The following LDB2 variants were observed in gnomAD, a reference collection of about 807,000 sequenced individuals.
LDB2 encodes the protein LIM domain-binding protein 2.
In LDB2, 12 loss-of-function variants were observed where a neutral mutation model predicts 44.3. The observed-to-expected ratio is 0.27, with a 90% CI of 0.17 to 0.44. The LOEUF (loss-of-function observed/expected upper bound fraction) is 0.44. Among genes scored for constraint, LDB2 ranks in the 20% least tolerant of loss-of-function variants. The pLI is 1.00. For synonymous variants in LDB2, 164 were observed against 174.8 expected (o/e 0.94, Z 0.49); for missense variants, 344 against 473.5 (o/e 0.73, Z 2.54).
chr4:16,518,488 T>TTA (rs1724715337), intron 5 of LDB2, among the ~76,000 whole-genome samples: 1 of 152,018 alleles, frequency 6.6e-6, no homozygotes, highest in African/African-American at 2.4e-5. Flanking sequence ...TGTGTTGTTT[T>TTA]TTTTTTCGCT....
chr4:16,700,577 A>G (rs1363475259), intron 2 of LDB2, among the ~76,000 whole-genome samples: 1 of 152,112 alleles, frequency 6.6e-6, no homozygotes, highest in Non-Finnish European at 1.5e-5. Context: ...TTCATATTCA[A>G]TCACATTACA....
chr4:16,766,515 T>A (rs1467874335), intron 1 of LDB2, among the ~76,000 whole-genome samples: 6 of 150,022 alleles, frequency 4.0e-5, no homozygotes, highest in Non-Finnish European at 7.4e-5. Flanking sequence ...TATATATTTT[T>A]TTTTTTTTGA....
intron 1 of LDB2, among the ~76,000 whole-genome samples, chr4:16,767,166 A>C (rs1200595110): frequency 6.6e-6 from 1 of 152,186 alleles, no homozygotes; most frequent in Non-Finnish European, 1.5e-5. Context: ...TATATTTCCA[A>C]GTGGGTTCTA....
intron 1 of LDB2, among the ~76,000 whole-genome samples, chr4:16,870,176 G>T (rs1032340754): frequency 2.0e-5 from 3 of 152,160 alleles, no homozygotes; most frequent in African/African-American, 7.2e-5. Flanking sequence ...GTGTTTGGAA[G>T]ACTAACCATA....
Position 16,781,510 on chromosome 4 carries a change from G to A in LDB2, c.133-22250C>T, listed in dbSNP as rs138713740. ...TACCAGCCAGCCACTAACCTACTTT[G>A]CTCCTCTTCCCCAAGTAGATGGAGT... On this transcript the variant is annotated intron_variant, in intron 1 of 7. Coordinates refer to ENST00000304523, the MANE Select transcript of LDB2 (RefSeq NM_001290.5). Among the ~76,000 whole-genome samples the A allele has an allele frequency of 1.6e-3, 250 of 152,160 alleles. 3 individuals are homozygous for A. The highest frequency in any genetic ancestry group is 5.7e-3 in the African/African-American group (236 of 41,514).
chr4:16,783,107 AAG>A (rs1773656349), intron 1 of LDB2, among the ~76,000 whole-genome samples: 1 of 152,236 alleles, frequency 6.6e-6, no homozygotes, highest in South Asian at 2.1e-4. Flanking sequence ...AGCTAGTGCC[AAG>A]ACCCGAAGCA....
intron 1 of LDB2, among the ~76,000 whole-genome samples, chr4:16,825,401 G>A (rs1420026200): frequency 1.3e-5 from 2 of 152,180 alleles, no homozygotes; most frequent in Non-Finnish European, 2.9e-5. Context: ...ACCTTTCTGA[G>A]TGCATTGAAT....
chr4:16,596,089 A>G (rs1720836740), intron 2 of LDB2, among the ~76,000 whole-genome samples: 1 of 152,292 alleles, frequency 6.6e-6, no homozygotes, highest in Non-Finnish European at 1.5e-5. Flanking sequence ...GCGTCCAGTC[A>G]TCTCTCTAGA....
At chr4:16,836,651 T>C (rs796414840) in intron 1 of LDB2, among the ~76,000 whole-genome samples, 1 of 152,338 alleles carries the variant, frequency 6.6e-6, no homozygotes, top group African/African-American at 2.4e-5. Context: ...CCCTCCCTTT[T>C]ACCTCTGCTA....
At chr4:16,522,834 A>T (rs1239757641) in intron 5 of LDB2, among the ~76,000 whole-genome samples, 1 of 152,242 alleles carries the variant, frequency 6.6e-6, no homozygotes, top group Non-Finnish European at 1.5e-5. Flanking sequence ...CACAGTAGTT[A>T]GAGGTTTACA....
chr4:16,791,980 T>C (rs1047508882), intron 1 of LDB2, among the ~76,000 whole-genome samples: 1 of 152,214 alleles, frequency 6.6e-6, no homozygotes, highest in Non-Finnish European at 1.5e-5. Context: ...ATCCCCTTAA[T>C]GTTTTTAGTG....
chr4:16,810,155 G>A (rs1355092050), intron 1 of LDB2, among the ~76,000 whole-genome samples: 3 of 152,138 alleles, frequency 2.0e-5, no homozygotes, highest in East Asian at 3.9e-4. Context: ...CTTCCTTGCT[G>A]TCAAATGCTA....
intron 2 of LDB2, among the ~76,000 whole-genome samples, chr4:16,654,070 A>G (rs997504308): frequency 1.3e-5 from 2 of 152,194 alleles, no homozygotes; most frequent in African/African-American, 4.8e-5. Flanking sequence ...TCAAGACTCA[A>G]ACGTCTATAA....
chr4:16,574,992 T>A (rs898756225), intron 5 of LDB2, among the ~76,000 whole-genome samples: 1 of 152,218 alleles, frequency 6.6e-6, no homozygotes, highest in Non-Finnish European at 1.5e-5. Context: ...TATTAATGCC[T>A]CTGCCATTCA....
chr4:16,873,731 T>G (rs1296739310), intron 1 of LDB2, among the ~76,000 whole-genome samples: 1 of 152,196 alleles, frequency 6.6e-6, no homozygotes, highest in Non-Finnish European at 1.5e-5. Context: ...TTTTTCATGA[T>G]CCTATTGACG....
At chr4:16,693,347 CTTT>C (rs71181181) in intron 2 of LDB2, among the ~76,000 whole-genome samples, 2,495 of 112,006 alleles carry the variant, frequency 0.022, 62 homozygotes, top group African/African-American at 0.081. Context: ...AGCAATAGTT[CTTT>C]TTTTTTTTTT....
chr4:16,721,330 T>A (rs1475589932), intron 2 of LDB2, among the ~76,000 whole-genome samples: 1 of 152,142 alleles, frequency 6.6e-6, no homozygotes, highest in Non-Finnish European at 1.5e-5. Flanking sequence ...ATCCAAAATA[T>A]AAGGGACAGC....
rs35227929 is a variant in LDB2 at position 16,634,296 on chromosome 4, C to CAAAAAAAAAAAAAAA, written c.236-38436_236-38422dup. Among the ~76,000 whole-genome samples the CAAAAAAAAAAAAAAA allele has an allele frequency of 1.9e-5, 2 of 105,476 alleles. 1 individual carries two copies. The allele number at this position is 105,476 out of a possible 152,430, so 69.2% of individuals were successfully genotyped here. ...ATTAAACTAAAGTCTTTTGCACGGC[C>CAAAAAAAAAAAAAAA]AAAAAAAAAAAAAAAAAAAGCTATC... is the stretch of plus-strand genomic sequence containing the variant. On this transcript the variant is annotated intron_variant, in intron 2 of 7. Transcript: ENST00000304523.
At chr4:16,591,235 G>A (rs953460247) in intron 3 of LDB2, among the ~76,000 whole-genome samples, 6 of 152,194 alleles carry the variant, frequency 3.9e-5, no homozygotes, top group African/African-American at 1.4e-4. Flanking sequence ...CTTCTATTGG[G>A]AGAGAATTTC....
Sources: gnomAD v4.1 joint callset for allele counts (sites outside exome capture counted in the v4.1 genomes callset) on GRCh38, gnomAD v4.1.1 for gene constraint, MANE v1.5 for transcripts, NCBI Gene and HGNC (gene_info 2026-07-23, HGNC 2026-07-21) for gene names.